CCDC50: variants seen among roughly 807,000 people sequenced by gnomAD.
CCDC50 encodes coiled-coil domain-containing protein 50.
In CCDC50, 54 loss-of-function variants were observed where a neutral mutation model predicts 70.2. The observed-to-expected ratio is 0.77, with a 90% CI of 0.62 to 0.96. The LOEUF is 0.96. Among genes scored for constraint, CCDC50 ranks in the 50% least tolerant of loss-of-function variants. The probability of loss-of-function intolerance (pLI) is 0.00; values close to 1 mark genes in which losing one functional copy is unlikely to be tolerated. For missense variants in CCDC50, 558 were observed against 578.7 expected, an observed-to-expected ratio of 0.96 and a Z score of 0.37; for synonymous variants, 216 against 198.8, an observed-to-expected ratio of 1.09 and a Z score of -0.73.
intron 11 of CCDC50, among the ~76,000 whole-genome samples, chr3:191,391,447 C>T (rs1713690664): frequency 6.6e-6 from 1 of 152,198 alleles, no homozygotes; most frequent in Non-Finnish European, 1.5e-5. Context: ...CATCCCACCT[C>T]AACTTCCATC....
intron 1 of CCDC50, among the ~76,000 whole-genome samples, chr3:191,351,622 G>A (rs1309998263): frequency 7.1e-6 from 1 of 140,930 alleles, no homozygotes; most frequent in African/African-American, 2.5e-5. Flanking sequence ...ACAATAAGGC[G>A]AAAACAAAAA....
rs1414627897 is a variant in CCDC50, at chr3:191,356,953, T to C, written c.50-135T>C. ...ACTTAACTAGTCACTATTTTATGCA[T>C]TGAGAATTATAAAGTGTGTCATTCT... On this transcript the variant is annotated intron_variant, in intron 1 of 11. Transcript: ENST00000392455. The C allele has an allele frequency of 9.9e-6, 7 of 705,014 alleles. No homozygotes were observed. The East Asian group carries it at 1.6e-4, about 16-fold the overall frequency. The allele number at this position is 705,014 out of a possible 1,614,324, so 43.7% of individuals were successfully genotyped here.
Position 191,380,184 on chromosome 3 carries a change from A to C in CCDC50, c.1002A>C (p.Glu334Asp). The change falls in exon 7 of 12, where the codon GAA (glutamate) becomes GAC (aspartate). Residue 334 changes from glutamate (E) to aspartate (D), a missense_variant. Transcript: ENST00000392455. ...DAGMKPRVMK[E>D]AVSTPSRMAH... ...GAATGAAGCCAAGAGTGATGAAAGA[A>C]GCTGTATCTACTCCATCACGAATGG... is the stretch of plus-strand genomic sequence containing the variant. The C allele has an allele frequency of 6.2e-7, 1 of 1,606,688 alleles. No homozygotes were observed. The highest frequency in any genetic ancestry group is 8.5e-7 in the Non-Finnish European group (1 of 1,174,180).
chr3:191,375,083 C>T lies in CCDC50; in HGVS notation c.470C>T (p.Ala157Val). The T allele has an allele frequency of 1.2e-6, 2 of 1,613,390 alleles. No individual in the cohort carries two copies. The highest frequency in any genetic ancestry group is 1.7e-6 in the Non-Finnish European group (2 of 1,179,662). ...EDGDQPGSRR[A>V]RELGSGFSRP... ...TCAGACCAACCAGGGTCAAGGAGGG[C>T]CAGGGAATTGGGTTCTGGATTCTCA... The change falls in exon 6 of 12, where the codon GCC becomes GTC. Residue 157 changes from alanine to valine, a missense_variant. Coordinates refer to ENST00000392455, the MANE Select transcript of CCDC50 (RefSeq NM_178335.3).
chr3:191,344,830 C>T (rs571631318), intron 1 of CCDC50, among the ~76,000 whole-genome samples: 1 of 152,296 alleles, frequency 6.6e-6, no homozygotes, highest in East Asian at 1.9e-4. Flanking sequence ...CTGCCCACCT[C>T]GGCATCCCAA....
intron 5 of CCDC50, among the ~76,000 whole-genome samples, chr3:191,370,474 GTTTGTTTTTTTGTTTTTTTT>G (rs959025877): frequency 2.2e-5 from 3 of 136,996 alleles, no homozygotes; most frequent in Non-Finnish European, 3.1e-5. Flanking sequence ...GGTTTTTTTT[GTTTGTTTTTTTGTTTTTTTT>G]TTTGTTTTTT....
chr3:191,370,867 T>A (rs1468920605), intron 5 of CCDC50, among the ~76,000 whole-genome samples: 1 of 152,224 alleles, frequency 6.6e-6, no homozygotes, highest in African/African-American at 2.4e-5. Flanking sequence ...AGAATTGGCA[T>A]GCATTCTTTT....
rs898991770 is a variant in CCDC50 at position 191,394,071 on chromosome 3, C to T, written c.*2311C>T. 3.9e-5 allele frequency: 6 copies of T among 151,946 alleles called. No individual in the cohort carries two copies. The highest frequency in any genetic ancestry group is 7.4e-5 in the Non-Finnish European group (5 of 67,968). 9.4% of individuals were successfully genotyped at this position (151,946 alleles called of 1,614,324 possible). On this transcript the variant is annotated 3_prime_UTR_variant, in exon 12 of 12. Coordinates refer to ENST00000392455, the MANE Select transcript of CCDC50 (RefSeq NM_178335.3). ...GGAGATACTGCATTCAAAAAAAAGT[C>T]GGACCACTTAACACTTACCAGGAAT...
At chr3:191,365,490 TG>T in intron 4 of CCDC50, among the ~76,000 whole-genome samples, 1 of 152,160 alleles carries the variant, frequency 6.6e-6, no homozygotes, top group Admixed American at 6.6e-5. Flanking sequence ...GGCTTCTTGT[TG>T]AAGTCTTCCT....
rs566529466 is a variant in CCDC50 at position 191,334,158 on chromosome 3, T to TG, written c.49+4436dup. ...CATATCTGCTGTGTGCCACATGTTG[T>TG]GTTGAGGGTATTTCCACAATAAAAA... On this transcript the variant is annotated intron_variant, in intron 1 of 11. Transcript: ENST00000392455. 6.1e-3 allele frequency among the ~76,000 whole-genome samples: 927 copies of TG among 152,262 alleles called. 4 individuals are homozygous for TG. The highest frequency in any genetic ancestry group is 0.01 in the Non-Finnish European group (680 of 67,980).
At position 191,380,934 on chromosome 3, in the gene CCDC50, T is replaced by C. The variant is rs1340255111; in HGVS notation, c.1242+2T>C. ...AGAAAGCAAGACCCCGAGTGGAAGG[T>C]AGAGTGTGTTTTGTTTGTTTTCTAA... On this transcript the variant is annotated splice_donor_variant, in intron 9 of 11. Transcript: ENST00000392455. LOFTEE classifies it high-confidence loss of function. 4 of 1,609,120 alleles carry C rather than the reference T, an allele frequency of 2.5e-6. No homozygotes were observed. The highest frequency in any genetic ancestry group is 3.4e-6 in the Non-Finnish European group (4 of 1,176,754).
At chr3:191,383,841 A>C (rs1050434675) in intron 10 of CCDC50, among the ~76,000 whole-genome samples, 1 of 152,164 alleles carries the variant, frequency 6.6e-6, no homozygotes, top group Non-Finnish European at 1.5e-5. Context: ...GCACATGCCA[A>C]ACATTTTCTT....
chr3:191,387,631 C>CT (rs1713543490), intron 10 of CCDC50, among the ~76,000 whole-genome samples: 6 of 151,478 alleles, frequency 4.0e-5, no homozygotes, highest in Admixed American at 3.9e-4. Flanking sequence ...TTAAGAAGTA[C>CT]TCTTAAGAGC....
chr3:191,380,777 T>C (rs772316248), intron 8 of CCDC50, 46 bp downstream of exon 8: 5 of 1,611,278 alleles, frequency 3.1e-6, no homozygotes, highest in Non-Finnish European at 4.2e-6. Context: ...TATCCTAGTA[T>C]ATTTCTATCT....
At chr3:191,366,151 T>A (rs995448160) in intron 4 of CCDC50, among the ~76,000 whole-genome samples, 1 of 152,128 alleles carries the variant, frequency 6.6e-6, no homozygotes, top group Non-Finnish European at 1.5e-5. Context: ...ATTTCTTACA[T>A]TATGCTAATT....
chr3:191,393,150 C>T lies in CCDC50; in HGVS notation c.*1390C>T, dbSNP rs1359955999. The T allele has an allele frequency of 1.4e-4, 21 of 152,204 alleles. No individual in the cohort carries two copies. The highest frequency in any genetic ancestry group is 1.4e-3 in the Admixed American group (21 of 15,282). 9.4% of individuals were successfully genotyped at this position (152,204 alleles called of 1,614,324 possible). A position where few individuals can be genotyped will look rare whatever the true frequency, so the allele number is the denominator to read the frequency against. On this transcript the variant is annotated 3_prime_UTR_variant, in exon 12 of 12. Transcript: ENST00000392455. ...AATTTAGTCTTTGTGTAGCTGCTAA[C>T]CTTACTGCAATATTTATTTTCCCTT...
At chr3:191,348,596 A>G (rs1712004121) in intron 1 of CCDC50, among the ~76,000 whole-genome samples, 2 of 142,264 alleles carry the variant, frequency 1.4e-5, no homozygotes, top group Non-Finnish European at 3.2e-5. Context: ...TAGAAGGATC[A>G]TCTATCTCCC....
chr3:191,378,933 G>A (rs1713212515), intron 6 of CCDC50, among the ~76,000 whole-genome samples: 2 of 152,026 alleles, frequency 1.3e-5, no homozygotes, highest in African/African-American at 2.4e-5. Flanking sequence ...TGAGTCTGTG[G>A]CTTCTGAAGC....
At chr3:191,364,534 A>G (rs1318838417) in intron 4 of CCDC50, among the ~76,000 whole-genome samples, 1 of 151,524 alleles carries the variant, frequency 6.6e-6, no homozygotes, top group Non-Finnish European at 1.5e-5. Context: ...GTTAGTTACC[A>G]CCCCATAAAA....
Sources: allele counts gnomAD v4.1 joint callset (sites outside exome capture counted in the v4.1 genomes callset), GRCh38; gene constraint gnomAD v4.1.1; transcripts MANE v1.5; gene names NCBI Gene and HGNC (gene_info 2026-07-23, HGNC 2026-07-21).